GRIK4: variants seen among roughly 807,000 people sequenced by gnomAD.
GRIK4 encodes glutamate ionotropic receptor kainate type subunit 4.
Under a neutral mutation model 104.9 loss-of-function variants are expected in GRIK4, and 40 were observed. That is an observed-to-expected ratio of 0.38 (90% confidence interval 0.30 to 0.50). The LOEUF (loss-of-function observed/expected upper bound fraction) is 0.50, where lower values mean the gene tolerates loss of function less well. Among genes scored for constraint, GRIK4 ranks in the 20% least tolerant of loss-of-function variants. GRIK4 has a pLI of 0.93. For synonymous variants in GRIK4, 485 were observed against 524.9 expected (o/e 0.92, Z 1.04); for missense variants, 1,047 against 1,308.1 (o/e 0.80, Z 3.08).
At chr11:120,841,936 G>C (rs953304725) in intron 8 of GRIK4, among the ~76,000 whole-genome samples, 14 of 152,156 alleles carry the variant, frequency 9.2e-5, no homozygotes, top group Admixed American at 3.3e-4. Flanking sequence ...AGGGAAAGTA[G>C]CTGATGAATA....
intron 3 of GRIK4, among the ~76,000 whole-genome samples, chr11:120,741,246 G>A (rs1300612587): frequency 6.6e-6 from 1 of 151,106 alleles, no homozygotes; most frequent in African/African-American, 2.4e-5. Context: ...TTACACAGCT[G>A]AGAAGTGGCA....
At chr11:120,792,843 C>T (rs1222592249) in intron 3 of GRIK4, among the ~76,000 whole-genome samples, 1 of 152,114 alleles carries the variant, frequency 6.6e-6, no homozygotes, top group East Asian at 1.9e-4. Flanking sequence ...AAGTAAAGCA[C>T]ACCCATGGAG....
intron 1 of GRIK4, among the ~76,000 whole-genome samples, chr11:120,568,738 C>G (rs1948361570): frequency 6.6e-6 from 1 of 152,188 alleles, no homozygotes; most frequent in South Asian, 2.1e-4. Context: ...CTCACCTCTC[C>G]TCTTGTGCAA....
intron 3 of GRIK4, among the ~76,000 whole-genome samples, chr11:120,729,096 C>T (rs560807997): frequency 6.6e-5 from 10 of 152,310 alleles, no homozygotes; most frequent in Admixed American, 4.6e-4. Flanking sequence ...AATATTATCT[C>T]ATTTTTTATG....
At chr11:120,531,446 C>T (rs1220368149) in intron 1 of GRIK4, among the ~76,000 whole-genome samples, 1 of 152,238 alleles carries the variant, frequency 6.6e-6, no homozygotes, top group Non-Finnish European at 1.5e-5. Flanking sequence ...ATGTGCTCTC[C>T]AGTGCTTACA....
chr11:120,749,540 G>A (rs907707950), intron 3 of GRIK4, among the ~76,000 whole-genome samples: 2 of 152,236 alleles, frequency 1.3e-5, no homozygotes, highest in African/African-American at 4.8e-5. Flanking sequence ...CAGGCAGGAA[G>A]AGAAGGTGCA....
intron 1 of GRIK4, among the ~76,000 whole-genome samples, chr11:120,611,970 A>T (rs1949043654): frequency 6.6e-6 from 1 of 152,128 alleles, no homozygotes; most frequent in Non-Finnish European, 1.5e-5. Flanking sequence ...ACCCCCTCCT[A>T]GGGATAGAAA....
intron 11 of GRIK4, among the ~76,000 whole-genome samples, chr11:120,878,621 C>G (rs977272391): frequency 6.7e-5 from 10 of 149,150 alleles, no homozygotes; most frequent in Admixed American, 2.7e-4. Flanking sequence ...CCGCCCCCCC[C>G]CCTTTTTTCA....
intron 3 of GRIK4, among the ~76,000 whole-genome samples, chr11:120,684,774 G>T (rs370433739): frequency 1.3e-5 from 2 of 151,992 alleles, no homozygotes; most frequent in African/African-American, 4.8e-5. Context: ...GCAGTGGCGC[G>T]ATCTCAGCTC....
intron 9 of GRIK4, among the ~76,000 whole-genome samples, chr11:120,864,468 CTGACT>C (rs1245256667): frequency 6.6e-6 from 1 of 152,078 alleles, no homozygotes; most frequent in Non-Finnish European, 1.5e-5. Context: ...TCTCGATCTC[CTGACT>C]TCGTGATCCG....
At chr11:120,610,563 G>C (rs1050639639) in intron 1 of GRIK4, among the ~76,000 whole-genome samples, 3 of 152,180 alleles carry the variant, frequency 2.0e-5, no homozygotes, top group Admixed American at 6.5e-5. Context: ...GTGGAGGGTG[G>C]AGAGCACAGT....
chr11:120,646,008 G>A (rs2000874), intron 1 of GRIK4, among the ~76,000 whole-genome samples: 107,280 of 152,074 alleles, frequency 0.71, 38,210 homozygotes, highest in African/African-American at 0.81. Flanking sequence ...CCCAGATGCC[G>A]TTCCATAGCA....
intron 6 of GRIK4, among the ~76,000 whole-genome samples, chr11:120,820,727 C>G (rs947029807): frequency 6.6e-6 from 1 of 152,114 alleles, no homozygotes; most frequent in Non-Finnish European, 1.5e-5. Flanking sequence ...CAGAGCGATT[C>G]CATCTTTATT....
chr11:120,895,023 CT>C (rs1197658883), intron 11 of GRIK4, among the ~76,000 whole-genome samples: 5 of 152,066 alleles, frequency 3.3e-5, no homozygotes, highest in Non-Finnish European at 7.4e-5. Context: ...CTGACTGGAG[CT>C]TGGGGGCTAA....
intron 14 of GRIK4, among the ~76,000 whole-genome samples, chr11:120,946,236 T>C (rs1943857344): frequency 6.6e-6 from 1 of 152,232 alleles, no homozygotes; most frequent in African/African-American, 2.4e-5. Context: ...CTCAGATTAA[T>C]ATTAAAGTGA....
intron 1 of GRIK4, among the ~76,000 whole-genome samples, chr11:120,570,069 C>T (rs944184934): frequency 1.3e-5 from 2 of 152,160 alleles, no homozygotes; most frequent in East Asian, 3.9e-4. Context: ...TCCGGGAGCC[C>T]CTCCTGTTGG....
chr11:120,548,769 C>T (rs1485672148), intron 1 of GRIK4, among the ~76,000 whole-genome samples: 2 of 152,126 alleles, frequency 1.3e-5, no homozygotes, highest in Admixed American at 1.3e-4. Flanking sequence ...CTCCGAGACC[C>T]CTTCATTTTA....
chr11:120,914,896 C>A (rs1262835389), intron 13 of GRIK4, among the ~76,000 whole-genome samples: 1 of 152,082 alleles, frequency 6.6e-6, no homozygotes, highest in Non-Finnish European at 1.5e-5. Context: ...GTCCAGTGAT[C>A]AGGAGAATGG....
chr11:120,679,293 C>T (rs530270115), intron 3 of GRIK4, among the ~76,000 whole-genome samples: 6 of 152,320 alleles, frequency 3.9e-5, no homozygotes, highest in South Asian at 4.1e-4. Context: ...CCCTGCCCTC[C>T]GTCAGAGTCA....
Sources: gnomAD v4.1 joint callset for allele counts (sites outside exome capture counted in the v4.1 genomes callset) on GRCh38, gnomAD v4.1.1 for gene constraint, MANE v1.5 for transcripts, NCBI Gene and HGNC (gene_info 2026-07-23, HGNC 2026-07-21) for gene names.